The following HNRNPH1 variants were observed in gnomAD, a reference collection of about 807,000 sequenced individuals.
HNRNPH1 encodes heterogeneous nuclear ribonucleoprotein H1.
Under a neutral mutation model 58.6 loss-of-function variants are expected in HNRNPH1, and 4 were observed. The ratio of observed to expected loss-of-function variants is 0.07; its 90% confidence interval spans 0.03 to 0.16. The LOEUF (loss-of-function observed/expected upper bound fraction) is 0.16, where lower values mean the gene tolerates loss of function less well. HNRNPH1 is among the 10% of genes least tolerant of loss of function. The probability of loss-of-function intolerance (pLI) is 1.00; values close to 1 mark genes in which losing one functional copy is unlikely to be tolerated. For missense variants in HNRNPH1, 271 were observed against 564.2 expected, an observed-to-expected ratio of 0.48 and a Z score of 5.26; for synonymous variants, 192 against 189.2, an observed-to-expected ratio of 1.01 and a Z score of -0.12.
upstream of HNRNPH1, among the ~76,000 whole-genome samples, chr5:179,624,843 A>T (rs373906155): frequency 6.6e-6 from 1 of 152,172 alleles, no homozygotes; most frequent in East Asian, 1.9e-4. Flanking sequence ...CCCTGGGAAG[A>T]TGCGGACAAA....
At chr5:179,628,210 T>C (rs1035226651), upstream of HNRNPH1, among the ~76,000 whole-genome samples, 1 of 152,190 alleles carries the variant, frequency 6.6e-6, no homozygotes, top group Admixed American at 6.6e-5. Flanking sequence ...GGTTTGTCTT[T>C]AAGTTTAGAA....
chr5:179,616,402 A>G (rs1006377834), intron 10 of HNRNPH1, 184 bp from the exon 12 acceptor site: 1 of 603,500 alleles, frequency 1.7e-6, no homozygotes, highest in African/African-American at 1.8e-5. Flanking sequence ...AGCCAGTCAA[A>G]TATTGATAAA....
At chr5:179,626,861 C>T (rs1562363918), upstream of HNRNPH1, among the ~76,000 whole-genome samples, 2 of 151,054 alleles carry the variant, frequency 1.3e-5, no homozygotes, top group African/African-American at 4.9e-5. Context: ...CTGCAAGCTC[C>T]GCCTCCCAGG....
Position 179,618,079 on chromosome 5 carries a change from T to C in HNRNPH1, c.716-19A>G, listed in dbSNP as rs566057819. 3.7e-6 allele frequency: 6 copies of C among 1,613,154 alleles called. No individual in the cohort carries two copies. In the South Asian group the frequency reaches 4.4e-5, roughly 12 times the overall value. On this transcript the variant is annotated intron_variant, in intron 5 of 12. Coordinates refer to ENST00000356731, the Ensembl canonical transcript of HNRNPH1. ...CCATAGCCTGAAAGACAAAGTACAA[T>C]CAATCAAATAAAACACCTAGACAAA... is the stretch of plus-strand genomic sequence containing the variant.
At chr5:179,624,716 G>A (rs1250795902), upstream of HNRNPH1, 3 of 397,358 alleles carry the variant, frequency 7.5e-6, no homozygotes, top group African/African-American at 6.2e-5. Context: ...CCCCATGTCT[G>A]ATTTGGCTGC....
At chr5:179,619,521 G>A (rs1771263409) in intron 3 of HNRNPH1, 114 bp from the exon 5 acceptor site, 1 of 849,076 alleles carries the variant, frequency 1.2e-6, no homozygotes, top group South Asian at 1.9e-5. Context: ...TAGGTGAATG[G>A]TATGCTTTCA....
At chr5:179,630,897 CAAAAA>C (rs565765037) in intron 2 of HNRNPH1, among the ~76,000 whole-genome samples, 3 of 70,434 alleles carry the variant, frequency 4.3e-5, no homozygotes, top group Non-Finnish European at 8.4e-5. Context: ...GGCGACATCT[CAAAAA>C]AAAAAAAATC....
At chr5:179,620,668 G>T in intron 3 of HNRNPH1, 1 of 517,646 alleles carries the variant, frequency 1.9e-6, no homozygotes. Flanking sequence ...GATCTACTCT[G>T]AACTATAATA....
intron 2 of HNRNPH1, among the ~76,000 whole-genome samples, chr5:179,632,403 G>C (rs1774918353): frequency 6.6e-6 from 1 of 152,228 alleles, no homozygotes; most frequent in East Asian, 1.9e-4. Context: ...AGCACGGTCC[G>C]CCCTTGCGGC....
At chr5:179,621,495 C>T in intron 1 of HNRNPH1, 98 bp from the exon 3 acceptor site, 16 of 1,033,116 alleles carry the variant, frequency 1.5e-5, no homozygotes, top group Non-Finnish European at 1.9e-5. Flanking sequence ...CTACAAATTA[C>T]ATAACTTGTG....
chr5:179,627,084 G>C (rs551964731), upstream of HNRNPH1, among the ~76,000 whole-genome samples: 178 of 152,240 alleles, frequency 1.2e-3, no homozygotes, highest in African/African-American at 4.2e-3. Flanking sequence ...CCCGGCTAAT[G>C]TCTTCGTATA....
chr5:179,623,243 G>GCC, exon 1 of HNRNPH1: 1 of 675,144 alleles, frequency 1.5e-6, no homozygotes, highest in Non-Finnish European at 2.4e-6. Flanking sequence ...GGCCCGCACC[G>GCC]CCCCCCCACG....
intron 12 of HNRNPH1, 156 bp from the exon 14 acceptor site, chr5:179,615,115 A>G: frequency 1.6e-6 from 1 of 608,332 alleles, no homozygotes; most frequent in East Asian, 2.8e-5. Context: ...TCCCGACTCC[A>G]AACAAGCCTC....
upstream of HNRNPH1, among the ~76,000 whole-genome samples, chr5:179,626,363 C>T (rs1774396751): frequency 6.6e-6 from 1 of 151,612 alleles, no homozygotes; most frequent in Non-Finnish European, 1.5e-5. Context: ...CCTCGGCCTC[C>T]CAAAGTACTG....
intron 4 of HNRNPH1, 128 bp downstream of exon 5, chr5:179,619,141 G>A (rs1771148277): frequency 1.2e-6 from 1 of 849,388 alleles, no homozygotes; most frequent in Non-Finnish European, 1.8e-6. Flanking sequence ...CACAAGTTTG[G>A]AAATCATGGC....
upstream of HNRNPH1, among the ~76,000 whole-genome samples, chr5:179,628,521 T>C (rs1403442101): frequency 6.6e-6 from 1 of 151,946 alleles, no homozygotes; most frequent in Non-Finnish European, 1.5e-5. Context: ...ACCCAGCTAA[T>C]TTTTGTGTTT....
chr5:179,629,843 T>TTTAGTA (rs2127739109), intron 2 of HNRNPH1, among the ~76,000 whole-genome samples: 1 of 143,190 alleles, frequency 7.0e-6, no homozygotes, highest in African/African-American at 2.6e-5. Flanking sequence ...GCCAACATGG[T>TTTAGTA]GAAACCCCGT....
chr5:179,621,047 G>A lies in HNRNPH1; in HGVS notation c.254-12C>T. The A allele has an allele frequency of 1.2e-6, 2 of 1,611,992 alleles. No homozygotes were observed. The highest frequency in any genetic ancestry group is 1.7e-6 in the Non-Finnish European group (2 of 1,178,520). ...GTTTGACTTGAATACTGAAAGAGGT[G>A]CTTAGAATTAGTCACTTTTGGAAAA... On this transcript the variant is annotated splice_polypyrimidine_tract_variant and intron_variant, in intron 2 of 12. Transcript: ENST00000356731.
upstream of HNRNPH1, among the ~76,000 whole-genome samples, chr5:179,627,231 A>G (rs1193842669): frequency 1.3e-5 from 2 of 152,136 alleles, no homozygotes; most frequent in Non-Finnish European, 2.9e-5. Flanking sequence ...TTTACAGACA[A>G]TGTCTTGTTC....
Sources: allele counts gnomAD v4.1 joint callset (sites outside exome capture counted in the v4.1 genomes callset), GRCh38; gene constraint gnomAD v4.1.1; transcripts MANE v1.5; gene names NCBI Gene and HGNC (gene_info 2026-07-23, HGNC 2026-07-21).